Variants in MED10 observed in about 807,000 individuals in gnomAD.
The protein encoded by MED10 is mediator complex subunit 10.
In MED10, 9 loss-of-function variants were observed where a neutral mutation model predicts 17.2. That is an observed-to-expected ratio of 0.52 (90% CI 0.31 to 0.91). The LOEUF (loss-of-function observed/expected upper bound fraction) is 0.91, where lower values mean the gene tolerates loss of function less well. Among genes scored for constraint, MED10 ranks in the 40% least tolerant of loss-of-function variants. The pLI, the probability that MED10 is intolerant of heterozygous loss-of-function variation, is 0.04. For missense variants in MED10, 129 were observed against 164.8 expected (o/e 0.78, Z 1.19); for synonymous variants, 66 against 59.8 (o/e 1.10, Z -0.48).
rs766471511 is a variant in MED10 at position 6,372,493 on chromosome 5, G to A, written c.*10C>T. The A allele has an allele frequency of 1.2e-6, 2 of 1,611,566 alleles. No homozygotes were observed. Among genetic ancestry groups the A allele is most frequent in the Non-Finnish European group, 1.7e-6 (2 of 1,177,678 alleles). ...TCCCAGGGGATCTTCACACAGGGAG[G>A]GTGAGCTGGTTAAGAAGGCGGGTGA... On this transcript the variant is annotated 3_prime_UTR_variant, in exon 4 of 4. Transcript: ENST00000255764.
chr5:6,373,226 G>C (rs544598143), intron 3 of MED10, among the ~76,000 whole-genome samples: 1 of 152,204 alleles, frequency 6.6e-6, no homozygotes, highest in East Asian at 1.9e-4. Context: ...TCCTCCCCTT[G>C]CTCCTCCCAC....
intron 1 of MED10, among the ~76,000 whole-genome samples, chr5:6,377,841 A>G (rs1329157865): frequency 6.6e-6 from 1 of 152,234 alleles, no homozygotes; most frequent in Non-Finnish European, 1.5e-5. Flanking sequence ...TTGCCAAGAA[A>G]TAATAATAAT....
intron 2 of MED10, among the ~76,000 whole-genome samples, chr5:6,375,126 T>C (rs1040066060): frequency 2.0e-5 from 3 of 152,230 alleles, no homozygotes; most frequent in African/African-American, 7.2e-5. Context: ...ACTTAGAATT[T>C]CTGACACTTC....
At chr5:6,374,200 C>A (rs962779408) in intron 3 of MED10, 124 bp downstream of exon 3, 1 of 672,328 alleles carries the variant, frequency 1.5e-6, no homozygotes, top group Admixed American at 2.3e-5. Flanking sequence ...ATTCAGAAAT[C>A]TCAATATGTG....
rs774164944 is a variant in MED10, at chr5:6,377,247, T to C, written c.125A>G (p.Asn42Ser). Residue 42 changes from asparagine to serine, a missense_variant and splice_region_variant, in exon 2 of 4, where the codon AAT (asparagine) becomes AGT (serine). Asn to Ser is a conservative substitution (Grantham distance 46, BLOSUM62 1). Coordinates refer to ENST00000255764, the MANE Select transcript of MED10 (RefSeq NM_032286.3). ...SSQAGLNQKL[N>S]FIVTGLQDID... ...ATCCTGTAAGCCAGTAACAATAAAA[T>C]TCCTGGGGGAAAGGCAAACACACAG... is the stretch of plus-strand genomic sequence containing the variant. The C allele has an allele frequency of 1.2e-6, 2 of 1,608,452 alleles. No individual in the cohort carries two copies. The highest frequency in any genetic ancestry group is 1.7e-6 in the Non-Finnish European group (2 of 1,177,908).
intron 1 of MED10, among the ~76,000 whole-genome samples, chr5:6,377,673 A>G (rs1197025950): frequency 6.6e-6 from 1 of 152,220 alleles, no homozygotes; most frequent in Non-Finnish European, 1.5e-5. Flanking sequence ...TTCCTACAGC[A>G]TCAGGCTGGT....
At chr5:6,373,413 A>C (rs1326909647) in intron 3 of MED10, among the ~76,000 whole-genome samples, 1 of 152,170 alleles carries the variant, frequency 6.6e-6, no homozygotes, top group Admixed American at 6.5e-5. Flanking sequence ...AGAAAAAACA[A>C]AATTAAAAGG....
chr5:6,378,472 C>T lies in MED10; in HGVS notation c.12G>A (p.Lys4=). The change falls in exon 1 of 4, where the codon AAG becomes AAA. Residue 4 remains lysine (K), a synonymous_variant. Coordinates refer to ENST00000255764, the MANE Select transcript of MED10 (RefSeq NM_032286.3). MAE[K]FDHLEEHLEK... is the part of the protein sequence containing the mutation. ...CCAGGTGCTCCTCTAGGTGGTCAAA[C>T]TTCTCCGCCATCGCCTCGGCCCGTC... 6.2e-7 allele frequency: 1 copy of T among 1,612,258 alleles called. No individual in the cohort carries two copies. The highest frequency in any genetic ancestry group is 8.5e-7 in the Non-Finnish European group (1 of 1,179,102).
At position 6,378,518 on chromosome 5, in the gene MED10, C is replaced by G. The variant is rs1429458236; in HGVS notation, c.-35G>C. 6.3e-7 allele frequency: 1 copy of G among 1,592,586 alleles called. No homozygotes were observed. The highest frequency in any genetic ancestry group is 8.6e-7 in the Non-Finnish European group (1 of 1,168,150). Reference sequence around the variant, plus strand: ...CCGTCCCCGACCCACACAGCCTCAACCAGCAGCGCCGCAGGCGTGGCCCTA... The same window carrying G: ...CCGTCCCCGACCCACACAGCCTCAAGCAGCAGCGCCGCAGGCGTGGCCCTA... On this transcript the variant is annotated 5_prime_UTR_variant, in exon 1 of 4. Transcript: ENST00000255764.
At position 6,378,221 on chromosome 5, in the gene MED10, G is replaced by A. The variant is rs866063260; in HGVS notation, c.122+141C>T. 5.3e-5 allele frequency: 66 copies of A among 1,250,190 alleles called. No homozygotes were observed. The Middle Eastern group carries it at 2.3e-3, about 43-fold the overall frequency. The allele number at this position is 1,250,190 out of a possible 1,614,324, so 77.4% of individuals were successfully genotyped here. A position where few individuals can be genotyped will look rare whatever the true frequency, so the allele number is the denominator to read the frequency against. On this transcript the variant is annotated intron_variant, in intron 1 of 3. Coordinates refer to ENST00000255764, the MANE Select transcript of MED10 (RefSeq NM_032286.3). Reference sequence around the variant, plus strand: ...GAACACAGCCAGGAAAGGCGCCCCGGGCTCCGGGACCAGACCAGAGGGCTG... The same window carrying A: ...GAACACAGCCAGGAAAGGCGCCCCGAGCTCCGGGACCAGACCAGAGGGCTG...
rs1356900917 is a variant in MED10, at chr5:6,371,902, T to C, written c.*601A>G. Reference sequence around the variant, plus strand: ...ACTGTTTACAAGACACATTGTATTATATTACAAAAATAATTACATGGAATA... The same window carrying C: ...ACTGTTTACAAGACACATTGTATTACATTACAAAAATAATTACATGGAATA... On this transcript the variant is annotated 3_prime_UTR_variant, in exon 4 of 4. Coordinates refer to ENST00000255764, the MANE Select transcript of MED10 (RefSeq NM_032286.3). The C allele has an allele frequency of 6.6e-6, 1 of 152,266 alleles. No homozygotes were observed. The highest frequency in any genetic ancestry group is 1.5e-5 in the Non-Finnish European group (1 of 68,052). 9.4% of individuals were successfully genotyped at this position (152,266 alleles called of 1,614,324 possible). A position where few individuals can be genotyped will look rare whatever the true frequency, so the allele number is the denominator to read the frequency against.
chr5:6,378,539 C>T lies in MED10; in HGVS notation c.-56G>A, dbSNP rs953484600. ...TCAACCAGCAGCGCCGCAGGCGTGG[C>T]CCTACGCTCCCGCTTCCTGCTTCCG... is the stretch of plus-strand genomic sequence containing the variant. On this transcript the variant is annotated 5_prime_UTR_variant, in exon 1 of 4. Coordinates refer to ENST00000255764, the MANE Select transcript of MED10 (RefSeq NM_032286.3). 5 of 1,561,196 alleles carry T rather than the reference C, an allele frequency of 3.2e-6. No individual in the cohort carries two copies. Among genetic ancestry groups the T allele is most frequent in the South Asian group, 2.3e-5 (2 of 86,784 alleles).
At position 6,372,318 on chromosome 5, in the gene MED10, G is replaced by C. The variant is rs1257544649; in HGVS notation, c.*185C>G. The C allele has an allele frequency of 1.7e-6, 1 of 575,564 alleles. No homozygotes were observed. The highest frequency in any genetic ancestry group is 3.1e-6 in the Non-Finnish European group (1 of 323,788). 35.7% of individuals were successfully genotyped at this position (575,564 alleles called of 1,614,324 possible). A position where few individuals can be genotyped will look rare whatever the true frequency, so the allele number is the denominator to read the frequency against. The stretch of plus-strand genomic sequence containing the variant: ...GCCAGACAAGCTGCTGGAACAGCTG[G>C]GGCACAGCTCCGCCTCTCCTCCAGC... On this transcript the variant is annotated 3_prime_UTR_variant, in exon 4 of 4. Transcript: ENST00000255764.
At chr5:6,378,237 C>A in intron 1 of MED10, 125 bp downstream of exon 1, 1 of 1,355,470 alleles carries the variant, frequency 7.4e-7, no homozygotes, top group Non-Finnish European at 9.7e-7. Flanking sequence ...GGGACCAGAC[C>A]AGAGGGCTGG....
chr5:6,372,614 T>TA lies in MED10; in HGVS notation c.310-14dup. On this transcript the variant is annotated splice_polypyrimidine_tract_variant and intron_variant, in intron 3 of 3. Transcript: ENST00000255764. Reference sequence around the variant, plus strand: ...GGCTTTTAAATTTCTACAAAGAAAATACATTATCAAAGGAGCTCTTCACAT... The same window carrying TA: ...GGCTTTTAAATTTCTACAAAGAAAATAACATTATCAAAGGAGCTCTTCACAT... The TA allele has an allele frequency of 6.3e-7, 1 of 1,598,166 alleles. No homozygotes were observed. The highest frequency in any genetic ancestry group is 8.6e-7 in the Non-Finnish European group (1 of 1,165,488).
intron 2 of MED10, chr5:6,374,902 CCCT>C (rs2111435399): frequency 6.5e-6 from 1 of 154,532 alleles, no homozygotes; most frequent in South Asian, 2.0e-4. Flanking sequence ...TTGGCAAAGC[CCCT>C]CCTCCTCTGT....
chr5:6,374,725 C>A, intron 2 of MED10: 1 of 272,168 alleles, frequency 3.7e-6, no homozygotes, highest in Non-Finnish European at 7.2e-6. Flanking sequence ...TTGCACTTTT[C>A]AAAATTCGTT....
intron 2 of MED10, among the ~76,000 whole-genome samples, chr5:6,375,429 A>G (rs1303953673): frequency 2.0e-5 from 3 of 152,268 alleles, no homozygotes; most frequent in African/African-American, 7.2e-5. Context: ...GCAAAAGATA[A>G]AAACATCACA....
chr5:6,374,238 G>A, intron 3 of MED10, 86 bp downstream of exon 3: 1 of 852,220 alleles, frequency 1.2e-6, no homozygotes, highest in Non-Finnish European at 2.0e-6. Flanking sequence ...ATTCTAGCAA[G>A]TATGGAAAAA....
Sources: allele counts gnomAD v4.1 joint callset (sites outside exome capture counted in the v4.1 genomes callset), GRCh38; gene constraint gnomAD v4.1.1; transcripts MANE v1.5; gene names NCBI Gene and HGNC (gene_info 2026-07-23, HGNC 2026-07-21).